GBP3: variants seen among roughly 807,000 people sequenced by gnomAD.
GBP3 encodes guanylate-binding protein 3.
Under a neutral mutation model 62.4 loss-of-function variants are expected in GBP3, and 55 were observed. That is an observed-to-expected ratio of 0.88 (90% CI 0.71 to 1.10). GBP3 has a LOEUF of 1.10. Ranked by LOEUF, GBP3 falls within the 50% of genes least tolerant of loss-of-function variation. The pLI is 0.00. For synonymous variants in GBP3, 208 were observed against 259.2 expected (o/e 0.80, Z 1.90); for missense variants, 605 against 690.6 (o/e 0.88, Z 1.39).
intron 7 of GBP3, 124 bp from the exon 8 acceptor site, chr1:89,011,240 C>A: frequency 8.2e-7 from 1 of 1,218,060 alleles, no homozygotes; most frequent in Non-Finnish European, 1.2e-6. Context: ...ACAGACTCCT[C>A]AGCAGGACCA....
intron 8 of GBP3, 101 bp from the exon 9 acceptor site, chr1:89,009,595 T>C: frequency 6.5e-7 from 1 of 1,534,178 alleles, no homozygotes; most frequent in Non-Finnish European, 8.8e-7. Flanking sequence ...TTCTTCCTCT[T>C]GGCCCTGGTG....
At chr1:89,017,318 CAAAA>C in intron 2 of GBP3, among the ~76,000 whole-genome samples, 1 of 96,476 alleles carries the variant, frequency 1.0e-5, no homozygotes, top group African/African-American at 3.9e-5. Flanking sequence ...GCTCACATGC[CAAAA>C]AAAAAAAAAA....
In GBP3 at chr1:89,010,306, G is replaced by A. The variant is rs1162235410; in HGVS notation, c.1362+598C>T. 3.6e-5 allele frequency among the ~76,000 whole-genome samples: 5 copies of A among 137,626 alleles called. No homozygotes were observed. In the South Asian group the frequency reaches 7.2e-4, roughly 20 times the overall value. 90.3% of individuals were successfully genotyped at this position (137,626 alleles called of 152,430 possible). On this transcript the variant is annotated intron_variant, in intron 8 of 10. Transcript: ENST00000370481. ...TCAGCTAATTTTTGTATTTTTAGTAGAGACGGGGTTTCACCATGTTGGCCA... is the reference window on the plus strand; with the variant it reads ...TCAGCTAATTTTTGTATTTTTAGTAAAGACGGGGTTTCACCATGTTGGCCA...
At chr1:89,021,529 CACACACACACACACA>C (rs2101171716) in intron 1 of GBP3, among the ~76,000 whole-genome samples, 1 of 140,616 alleles carries the variant, frequency 7.1e-6, no homozygotes, top group Non-Finnish European at 1.6e-5. Context: ...CACACACACA[CACACACACACACACA>C]CCCCAAAAAA....
rs1376041248 is a variant in GBP3 at position 89,020,339 on chromosome 1, A to C, written c.190+193T>G. ...GTAACTCATGGTGAACAGTCAATTGAGATAACTCACTACCCTCAGAACAGC... is the reference window on the plus strand; with the variant it reads ...GTAACTCATGGTGAACAGTCAATTGCGATAACTCACTACCCTCAGAACAGC... On this transcript the variant is annotated intron_variant, in intron 2 of 10. Coordinates refer to ENST00000370481, the MANE Select transcript of GBP3 (RefSeq NM_018284.3). The C allele has an allele frequency of 1.4e-5, 9 of 652,366 alleles. No individual in the cohort carries two copies. In the South Asian group the frequency reaches 1.6e-4, roughly 12 times the overall value. The allele number at this position is 652,366 out of a possible 1,614,324, so 40.4% of individuals were successfully genotyped here. A position where few individuals can be genotyped will look rare whatever the true frequency, so the allele number is the denominator to read the frequency against.
intron 8 of GBP3, among the ~76,000 whole-genome samples, chr1:89,009,908 A>G (rs1570886873): frequency 6.6e-6 from 1 of 152,238 alleles, no homozygotes; most frequent in East Asian, 1.9e-4. Context: ...AGATCATGAC[A>G]TTATTTGAAA....
chr1:89,013,390 T>C lies in GBP3; in HGVS notation c.663A>G (p.Arg221=), dbSNP rs1297895402. ...SQKDKNFNLP[R]LCIRKFFPKK... Reference sequence around the variant, plus strand: ...TTGGGAAGAACTTCCGGATACAGAGTCGGGGCAGATTAAAATTTTTATCTT... The same window carrying C: ...TTGGGAAGAACTTCCGGATACAGAGCCGGGGCAGATTAAAATTTTTATCTT... The change falls in exon 6 of 11, where the codon CGA becomes CGG. Residue 221 remains arginine, a synonymous_variant. Transcript: ENST00000370481. 2 of 1,612,862 alleles carry C rather than the reference T, an allele frequency of 1.2e-6. No individual in the cohort carries two copies. The highest frequency in any genetic ancestry group is 2.7e-5 in the African/African-American group (2 of 74,744).
chr1:89,007,527 G>A lies in GBP3; in HGVS notation c.*197C>T. The A allele has an allele frequency of 1.8e-6, 1 of 553,852 alleles. No homozygotes were observed. Among genetic ancestry groups the A allele is most frequent in the Non-Finnish European group, 3.2e-6 (1 of 314,984 alleles). The allele number at this position is 553,852 out of a possible 1,614,324, so 34.3% of individuals were successfully genotyped here. On this transcript the variant is annotated 3_prime_UTR_variant, in exon 11 of 11. Coordinates refer to ENST00000370481, the MANE Select transcript of GBP3 (RefSeq NM_018284.3). ...TGATCCCTCCTCTGTTGGTACAGAG[G>A]TAAATGCATCTTTGTTGCACAATTT...
chr1:89,022,160 T>G (rs1383210019), intron 1 of GBP3, among the ~76,000 whole-genome samples: 1 of 152,218 alleles, frequency 6.6e-6, no homozygotes, highest in African/African-American at 2.4e-5. Context: ...GTATACTGTT[T>G]TCATGAATGT....
chr1:89,008,873 C>T (rs565008059), intron 10 of GBP3, 74 bp downstream of exon 10: 2 of 1,608,054 alleles, frequency 1.2e-6, no homozygotes, highest in South Asian at 2.2e-5. Context: ...GTTCGCTCTG[C>T]CATACTAAGT....
intron 5 of GBP3, chr1:89,013,811 G>A: frequency 2.3e-6 from 1 of 434,384 alleles, no homozygotes; most frequent in Non-Finnish European, 4.0e-6. Flanking sequence ...TGTAAAATAG[G>A]AAAAAATGAA....
rs1557723168 is a variant in GBP3 at position 89,009,381 on chromosome 1, T to C, written c.1465+11A>G. 2.5e-6 allele frequency: 4 copies of C among 1,612,550 alleles called. No homozygotes were observed. The highest frequency in any genetic ancestry group is 3.4e-6 in the Non-Finnish European group (4 of 1,178,572). ...CTTTAGGATAATCTGATCCTTTGAC[T>C]TGCTCCTCACCTTCAATCTCCTTTT... On this transcript the variant is annotated intron_variant, in intron 9 of 10. Coordinates refer to ENST00000370481, the MANE Select transcript of GBP3 (RefSeq NM_018284.3).
At position 89,013,338 on chromosome 1, in the gene GBP3, G is replaced by A; in HGVS notation, c.715C>T (p.Pro239Ser). The A allele has an allele frequency of 1.2e-6, 2 of 1,614,178 alleles. No individual in the cohort carries two copies. The highest frequency in any genetic ancestry group is 1.7e-6 in the Non-Finnish European group (2 of 1,180,030). The change falls in exon 6 of 11, where the codon CCC becomes TCC. Residue 239 changes from proline (P) to serine (S), a missense_variant. This residue lies in a region of GBP3 where 308 missense variants were observed against 318.0 expected (regional missense o/e 0.97). Transcript: ENST00000370481. Reference protein sequence around the residue: ...PKKKCFVFDLPIHRRKLAQLE... With the variant: ...PKKKCFVFDLSIHRRKLAQLE... ...TGGGCAAGCTTCCTGCGGTGAATGG[G>A]CAGATCGAAGACAAAACATTTTTTC...
At chr1:89,013,501 C>G in intron 5 of GBP3, 74 bp from the exon 6 acceptor site, 1 of 1,456,320 alleles carries the variant, frequency 6.9e-7, no homozygotes, top group South Asian at 1.4e-5. Context: ...ATATTTTAGG[C>G]TCTGCAGGCT....
intron 10 of GBP3, 114 bp downstream of exon 10, chr1:89,008,833 A>G (rs1184375675): frequency 6.5e-7 from 1 of 1,534,628 alleles, no homozygotes; most frequent in Non-Finnish European, 8.8e-7. Context: ...AGTACAAGTG[A>G]GCAAGCAAAA....
chr1:89,014,047 T>C (rs756051773), intron 5 of GBP3, 36 bp downstream of exon 5: 2 of 1,595,240 alleles, frequency 1.3e-6, no homozygotes, highest in East Asian at 4.5e-5. Flanking sequence ...TCTAGTGTTT[T>C]GTCGTCCTCA....
At chr1:89,016,329 C>A (rs556954290) in intron 2 of GBP3, among the ~76,000 whole-genome samples, 11 of 152,184 alleles carry the variant, frequency 7.2e-5, no homozygotes, top group South Asian at 4.2e-4. Flanking sequence ...TGTGGTGAAA[C>A]CCTGTCTCTA....
Position 89,010,921 on chromosome 1 carries a change from G to T in GBP3, c.1345C>A (p.Pro449Thr). The change falls in exon 8 of 11, where the codon CCA becomes ACA. Residue 449 changes from proline to threonine, a missense_variant. By Grantham distance (38) the Pro-to-Thr change is conservative (BLOSUM62 -1). This residue lies in a region of GBP3 where 137 missense variants were observed against 224.7 expected (regional missense o/e 0.61). Coordinates refer to ENST00000370481, the MANE Select transcript of GBP3 (RefSeq NM_018284.3). ...TTGGTTACCTGTATCCCCTTCCTTG[G>T]TTCCTCATAGTACTTTTTCTCCAGG... ...QDLEKKYYEE[P>T]RKGIQAEEIL... 1 of 1,461,390 alleles carries T rather than the reference G, an allele frequency of 6.8e-7. No individual in the cohort carries two copies. The highest frequency in any genetic ancestry group is 1.4e-5 in the African/African-American group (1 of 73,756). 90.5% of individuals were successfully genotyped at this position (1,461,390 alleles called of 1,614,324 possible).
chr1:89,017,968 A>C (rs1386876490), intron 2 of GBP3, among the ~76,000 whole-genome samples: 1 of 151,988 alleles, frequency 6.6e-6, no homozygotes, highest in Non-Finnish European at 1.5e-5. Context: ...AATCTCACCT[A>C]CTTGGGAGGC....
Sources: allele counts gnomAD v4.1 joint callset (sites outside exome capture counted in the v4.1 genomes callset), GRCh38; gene constraint gnomAD v4.1.1; regional missense constraint gnomAD v4.1.1; transcripts MANE v1.5; gene names NCBI Gene and HGNC (gene_info 2026-07-23, HGNC 2026-07-21).